The following CADM2 variants were observed in gnomAD, a reference collection of about 807,000 sequenced individuals.
CADM2 encodes the protein cell adhesion molecule 2, also known as immunoglobulin superfamily member 4D.
Under a neutral mutation model 49.8 loss-of-function variants are expected in CADM2, and 12 were observed. That is an observed-to-expected ratio of 0.24 (90% CI 0.15 to 0.39). CADM2 has a LOEUF of 0.39. CADM2 is among the 10% of genes least tolerant of loss of function. The pLI, the probability that CADM2 is intolerant of heterozygous loss-of-function variation, is 1.00. For missense variants in CADM2, 378 were observed against 492.3 expected, an observed-to-expected ratio of 0.77 and a Z score of 2.20; for synonymous variants, 214 against 175.4, an observed-to-expected ratio of 1.22 and a Z score of -1.74.
chr3:85,434,633 G>A (rs1304318532), intron 1 of CADM2, among the ~76,000 whole-genome samples: 1 of 151,848 alleles, frequency 6.6e-6, no homozygotes. Flanking sequence ...AGTCTCTTTA[G>A]TCTGCTTTTA....
intron 1 of CADM2, among the ~76,000 whole-genome samples, chr3:85,569,674 T>C (rs565841832): frequency 1.4e-5 from 2 of 147,454 alleles, no homozygotes; most frequent in South Asian, 2.1e-4. Flanking sequence ...GTTAGATCAA[T>C]GTTTTTTAGA....
intron 8 of CADM2, among the ~76,000 whole-genome samples, chr3:86,036,310 G>T (rs1157643273): frequency 6.6e-6 from 1 of 152,024 alleles, no homozygotes; most frequent in African/African-American, 2.4e-5. Context: ...TGCAGTTAAT[G>T]CCTTTAACCA....
chr3:85,908,447 A>G (rs1717104999), intron 5 of CADM2, among the ~76,000 whole-genome samples: 1 of 151,766 alleles, frequency 6.6e-6, no homozygotes, highest in Admixed American at 6.6e-5. Flanking sequence ...GATAAATAAT[A>G]TAAAAACTAA....
chr3:85,299,703 A>C (rs2044048371), intron 1 of CADM2, among the ~76,000 whole-genome samples: 1 of 151,976 alleles, frequency 6.6e-6, no homozygotes, highest in Non-Finnish European at 1.5e-5. Context: ...CTTTCAATGC[A>C]AAGCCAAGCA....
At chr3:85,382,524 A>G (rs181963587) in intron 1 of CADM2, among the ~76,000 whole-genome samples, 1 of 152,326 alleles carries the variant, frequency 6.6e-6, no homozygotes, top group Admixed American at 6.5e-5. Context: ...GATACATCAT[A>G]TATAACATCT....
chr3:85,075,651 C>T (rs1244240211), intron 1 of CADM2, among the ~76,000 whole-genome samples: 1 of 152,058 alleles, frequency 6.6e-6, no homozygotes, highest in African/African-American at 2.4e-5. Context: ...TAAATACAAG[C>T]ATGTGTAAAA....
chr3:86,052,466 T>C (rs1028929495), intron 8 of CADM2, among the ~76,000 whole-genome samples: 1 of 152,172 alleles, frequency 6.6e-6, no homozygotes, highest in African/African-American at 2.4e-5. Flanking sequence ...CTTAGAGCTT[T>C]CAGTTAAGTC....
At chr3:85,907,847 G>T (rs1717010068) in intron 5 of CADM2, among the ~76,000 whole-genome samples, 1 of 151,576 alleles carries the variant, frequency 6.6e-6, no homozygotes, top group African/African-American at 2.4e-5. Context: ...AGATGCAGAG[G>T]TTGCAGTGAG....
At chr3:85,564,723 T>C (rs1042411741) in intron 1 of CADM2, among the ~76,000 whole-genome samples, 2 of 152,084 alleles carry the variant, frequency 1.3e-5, no homozygotes, top group African/African-American at 4.8e-5. Flanking sequence ...ATTCTATAAT[T>C]AAATACTTAA....
chr3:85,835,312 T>C (rs966893417), intron 3 of CADM2, among the ~76,000 whole-genome samples: 2 of 146,226 alleles, frequency 1.4e-5, no homozygotes, highest in Non-Finnish European at 1.5e-5. Flanking sequence ...CAGTTTTAGC[T>C]TCTTTTTTTT....
chr3:85,549,837 G>T (rs1474505656), intron 1 of CADM2, among the ~76,000 whole-genome samples: 2 of 140,726 alleles, frequency 1.4e-5, no homozygotes, highest in East Asian at 4.2e-4. Context: ...TCACCGTGTT[G>T]GCCAGGCTGG....
chr3:85,099,977 T>C (rs1302222931), intron 1 of CADM2, among the ~76,000 whole-genome samples: 1 of 152,184 alleles, frequency 6.6e-6, no homozygotes, highest in Non-Finnish European at 1.5e-5. Flanking sequence ...ATACTGTTTT[T>C]TTTTCCTCAT....
chr3:85,157,911 A>G (rs1016460938), intron 1 of CADM2, among the ~76,000 whole-genome samples: 1 of 152,130 alleles, frequency 6.6e-6, no homozygotes, highest in African/African-American at 2.4e-5. Context: ...GCAACCTACA[A>G]AATGGGAGAA....
chr3:85,943,810 A>G (rs1722284566), intron 7 of CADM2, among the ~76,000 whole-genome samples: 1 of 151,746 alleles, frequency 6.6e-6, no homozygotes. Context: ...AGGATTCCCT[A>G]TTTAACCATG....
intron 1 of CADM2, among the ~76,000 whole-genome samples, chr3:85,129,119 T>C (rs1204953907): frequency 2.0e-5 from 3 of 152,130 alleles, no homozygotes; most frequent in Admixed American, 1.3e-4. Context: ...ACCCGGTCCA[T>C]AGCCAGTTCA....
chr3:85,165,137 G>A (rs922649046), intron 1 of CADM2, among the ~76,000 whole-genome samples: 3 of 151,832 alleles, frequency 2.0e-5, no homozygotes, highest in Middle Eastern at 6.8e-3. Context: ...ACTGTAATAA[G>A]CTATGTCACC....
intron 1 of CADM2, among the ~76,000 whole-genome samples, chr3:85,187,188 T>C (rs1026427694): frequency 6.6e-6 from 1 of 152,154 alleles, no homozygotes; most frequent in African/African-American, 2.4e-5. Context: ...TAAAAATGGG[T>C]AGCCTCTCTT....
intron 3 of CADM2, among the ~76,000 whole-genome samples, chr3:85,864,374 C>T (rs2075648528): frequency 6.6e-6 from 1 of 152,054 alleles, no homozygotes; most frequent in Non-Finnish European, 1.5e-5. Flanking sequence ...GTATTCTTTG[C>T]ATTTATCTTT....
chr3:85,953,392 G>A (rs1397966140), intron 7 of CADM2, among the ~76,000 whole-genome samples: 1 of 150,706 alleles, frequency 6.6e-6, no homozygotes, highest in Non-Finnish European at 1.5e-5. Flanking sequence ...CTTCTTTCCT[G>A]ACATTCCCAA....
Sources: allele counts gnomAD v4.1 joint callset (sites outside exome capture counted in the v4.1 genomes callset), GRCh38; gene constraint gnomAD v4.1.1; transcripts MANE v1.5; gene names NCBI Gene and HGNC (gene_info 2026-07-23, HGNC 2026-07-21).